Variants in SULF1 observed in about 807,000 individuals in gnomAD.
SULF1 encodes the protein sulfatase 1, also known as extracellular sulfatase Sulf-1.
A neutral mutation model predicts 110.5 loss-of-function variants in SULF1; 46 were observed. That is an observed-to-expected ratio of 0.42 (90% CI 0.33 to 0.53). The LOEUF is 0.53. SULF1 is among the 20% of genes least tolerant of loss of function. The probability of loss-of-function intolerance (pLI) is 0.12; values close to 1 mark genes in which losing one functional copy is unlikely to be tolerated. For synonymous variants in SULF1, 371 were observed against 387.1 expected (o/e 0.96, Z 0.49); for missense variants, 941 against 1,094.2 (o/e 0.86, Z 1.98).
At chr8:69,555,932 A>G (rs1026413762) in intron 3 of SULF1, among the ~76,000 whole-genome samples, 1 of 152,184 alleles carries the variant, frequency 6.6e-6, no homozygotes, top group African/African-American at 2.4e-5. Flanking sequence ...AAATTTTTGC[A>G]TTGCGCCAGA....
At chr8:69,612,259 C>T (rs1475659177) in intron 13 of SULF1, among the ~76,000 whole-genome samples, 1 of 152,080 alleles carries the variant, frequency 6.6e-6, no homozygotes, top group Non-Finnish European at 1.5e-5. Context: ...GGTTGATGGG[C>T]ATTTAGGCTG....
rs575975663 is a variant in SULF1, at chr8:69,468,425, T to G, written c.-391+1475T>G. On this transcript the variant is annotated intron_variant, in intron 1 of 22. Coordinates refer to the SULF1 transcript ENST00000260128. ...TTTAAAATCCTTTTTTTAAAAAAGTTAAGATTAAAACAATATTTTAATATG... is the reference window on the plus strand; with the variant it reads ...TTTAAAATCCTTTTTTTAAAAAAGTGAAGATTAAAACAATATTTTAATATG... 2.3e-3 allele frequency among the ~76,000 whole-genome samples: 347 copies of G among 152,342 alleles called. 1 individual carries two copies. Among genetic ancestry groups the G allele is most frequent in the African/African-American group, 7.8e-3 (324 of 41,580 alleles).
chr8:69,488,898 T>C (rs1388520442), upstream of SULF1, among the ~76,000 whole-genome samples: 2 of 151,824 alleles, frequency 1.3e-5, no homozygotes, highest in East Asian at 3.9e-4. Flanking sequence ...GCCCTGAGGC[T>C]CCCCGGGGAA....
intron 22 of SULF1, among the ~76,000 whole-genome samples, chr8:69,654,579 C>T (rs917025666): frequency 9.2e-5 from 14 of 152,204 alleles, no homozygotes; most frequent in African/African-American, 3.4e-4. Context: ...TAGGAAACAT[C>T]CCTGCTTCCA....
At chr8:69,583,102 C>T (rs1806193165) in intron 6 of SULF1, among the ~76,000 whole-genome samples, 1 of 152,176 alleles carries the variant, frequency 6.6e-6, no homozygotes. Flanking sequence ...TTGGTTCACT[C>T]ATTCACAGAG....
intron 13 of SULF1, among the ~76,000 whole-genome samples, chr8:69,620,042 T>G (rs1007077586): frequency 2.0e-5 from 3 of 152,084 alleles, no homozygotes; most frequent in African/African-American, 7.2e-5. Flanking sequence ...GAAGGATGAA[T>G]GCAGGGTTTT....
intron 22 of SULF1, among the ~76,000 whole-genome samples, chr8:69,643,145 G>A (rs771213164): frequency 2.0e-5 from 3 of 152,230 alleles, no homozygotes; most frequent in African/African-American, 4.8e-5. Context: ...TGGTGGGCAG[G>A]AAATCTTGAC....
intron 1 of SULF1, chr8:69,469,322 C>G (rs969702306): frequency 6.6e-6 from 1 of 152,194 alleles, no homozygotes; most frequent in African/African-American, 2.4e-5. Flanking sequence ...TTTGAGCACA[C>G]GGGATATCCC....
intron 3 of SULF1, among the ~76,000 whole-genome samples, chr8:69,554,203 GAAAAT>G (rs902399869): frequency 6.6e-6 from 1 of 152,174 alleles, no homozygotes; most frequent in Non-Finnish European, 1.5e-5. Context: ...TAATGAGTGA[GAAAAT>G]AAATTCTGGA....
At chr8:69,620,995 G>T (rs1809551068) in intron 13 of SULF1, 40 bp from the exon 14 acceptor site, 4 of 1,531,506 alleles carry the variant, frequency 2.6e-6, no homozygotes, top group African/African-American at 1.4e-5. Context: ...ATAACACCTG[G>T]AGCAGAATCG....
At chr8:69,617,155 T>C (rs553111960) in intron 13 of SULF1, among the ~76,000 whole-genome samples, 2 of 151,916 alleles carry the variant, frequency 1.3e-5, no homozygotes, top group South Asian at 4.2e-4. Flanking sequence ...GCAATAATTC[T>C]ATATAGCATA....
intron 22 of SULF1, chr8:69,642,164 T>C: frequency 2.4e-6 from 2 of 844,568 alleles, no homozygotes; most frequent in Non-Finnish European, 2.9e-6. Flanking sequence ...TAATATCTTC[T>C]TTATCTATAT....
At chr8:69,502,733 G>A (rs564791979) in intron 3 of SULF1, among the ~76,000 whole-genome samples, 1 of 140,510 alleles carries the variant, frequency 7.1e-6, no homozygotes, top group Admixed American at 7.7e-5. Context: ...TGTTACGCAG[G>A]CTGGAGTGTA....
At chr8:69,531,922 A>T (rs2150644085) in intron 3 of SULF1, among the ~76,000 whole-genome samples, 1 of 152,270 alleles carries the variant, frequency 6.6e-6, no homozygotes, top group African/African-American at 2.4e-5. Context: ...GCGAAACTGC[A>T]TTGCTGTCAG....
chr8:69,532,898 G>C (rs535373129), intron 3 of SULF1, among the ~76,000 whole-genome samples: 1 of 152,136 alleles, frequency 6.6e-6, no homozygotes, highest in East Asian at 1.9e-4. Context: ...GACTATTCTA[G>C]GTATCTCATA....
intron 6 of SULF1, among the ~76,000 whole-genome samples, chr8:69,583,066 G>A (rs983931632): frequency 2.0e-5 from 3 of 152,106 alleles, no homozygotes; most frequent in South Asian, 2.1e-4. Flanking sequence ...CTTAAGCAGC[G>A]GGCACTTGGC....
At chr8:69,624,896 A>G (rs904981359) in intron 15 of SULF1, among the ~76,000 whole-genome samples, 2 of 152,152 alleles carry the variant, frequency 1.3e-5, no homozygotes, top group Admixed American at 1.3e-4. Context: ...TATTAGCAAG[A>G]TCTTTGTTTT....
At chr8:69,616,908 C>T (rs770441898) in intron 13 of SULF1, among the ~76,000 whole-genome samples, 8 of 152,024 alleles carry the variant, frequency 5.3e-5, no homozygotes, top group African/African-American at 1.4e-4. Flanking sequence ...GCACCTCTTA[C>T]GCTTCCACTT....
intron 3 of SULF1, among the ~76,000 whole-genome samples, chr8:69,556,344 G>A (rs979205986): frequency 6.6e-6 from 1 of 152,164 alleles, no homozygotes; most frequent in African/African-American, 2.4e-5. Flanking sequence ...GTCACTTCCA[G>A]GTTGAAGCCC....
Sources: gnomAD v4.1 joint callset for allele counts (sites outside exome capture counted in the v4.1 genomes callset) on GRCh38, gnomAD v4.1.1 for gene constraint, MANE v1.5 for transcripts, NCBI Gene and HGNC (gene_info 2026-07-23, HGNC 2026-07-21) for gene names.